RAB3C: variants seen among roughly 807,000 people sequenced by gnomAD.
RAB3C encodes the protein ras-related protein Rab-3C.
RAB3C carries 17 observed loss-of-function variants against 26.4 expected under a neutral mutation model. The ratio of observed to expected loss-of-function variants is 0.64; its 90% CI spans 0.44 to 0.97. The LOEUF (loss-of-function observed/expected upper bound fraction) is 0.97. Among genes scored for constraint, RAB3C ranks in the 50% least tolerant of loss-of-function variants. The probability of loss-of-function intolerance (pLI) is 0.00; values close to 1 mark genes in which losing one functional copy is unlikely to be tolerated. For missense variants in RAB3C, 242 were observed against 281.9 expected (o/e 0.86, Z 1.01); for synonymous variants, 91 against 95.9 (o/e 0.95, Z 0.30).
intron 1 of RAB3C, among the ~76,000 whole-genome samples, chr5:58,612,257 A>C (rs1746719532): frequency 6.6e-6 from 1 of 151,780 alleles, no homozygotes; most frequent in East Asian, 1.9e-4. Context: ...ATTTTTTTCT[A>C]GTTCTGTGAA....
At chr5:58,792,590 G>T (rs1742552559) in intron 3 of RAB3C, among the ~76,000 whole-genome samples, 1 of 152,104 alleles carries the variant, frequency 6.6e-6, no homozygotes, top group South Asian at 2.1e-4. Flanking sequence ...ATTGATTTTG[G>T]TGAGGGAGGG....
intron 1 of RAB3C, among the ~76,000 whole-genome samples, chr5:58,591,491 C>T (rs1272246907): frequency 6.6e-6 from 1 of 151,618 alleles, no homozygotes; most frequent in Non-Finnish European, 1.5e-5. Context: ...AAATGTCCCA[C>T]TTTATCTCCA....
intron 3 of RAB3C, among the ~76,000 whole-genome samples, chr5:58,769,366 TA>T (rs562256813): frequency 4.9e-4 from 75 of 152,306 alleles, no homozygotes; most frequent in African/African-American, 1.8e-3. Flanking sequence ...ATTAAAGTAT[TA>T]AAGTATGTGT....
At chr5:58,725,184 G>A (rs1419933139) in intron 2 of RAB3C, among the ~76,000 whole-genome samples, 4 of 151,786 alleles carry the variant, frequency 2.6e-5, no homozygotes, top group Non-Finnish European at 5.9e-5. Context: ...CATAGATAAA[G>A]GATATTTTTG....
intron 1 of RAB3C, among the ~76,000 whole-genome samples, chr5:58,606,629 C>T (rs1466725348): frequency 6.6e-6 from 1 of 152,330 alleles, no homozygotes; most frequent in East Asian, 1.9e-4. Flanking sequence ...AACTGGGAGA[C>T]ACCTCCCAGT....
At chr5:58,716,221 AT>A (rs1209921515) in intron 2 of RAB3C, among the ~76,000 whole-genome samples, 1 of 152,036 alleles carries the variant, frequency 6.6e-6, no homozygotes, top group African/African-American at 2.4e-5. Context: ...AGCATGAACA[AT>A]TTCAGTAGAG....
At chr5:58,817,687 C>T (rs1306598458) in intron 3 of RAB3C, among the ~76,000 whole-genome samples, 1 of 152,118 alleles carries the variant, frequency 6.6e-6, no homozygotes, top group African/African-American at 2.4e-5. Context: ...ATATACAAAT[C>T]ACCTGGAGAT....
intron 2 of RAB3C, among the ~76,000 whole-genome samples, chr5:58,724,533 T>C (rs1740841030): frequency 6.6e-6 from 1 of 151,832 alleles, no homozygotes; most frequent in Admixed American, 6.6e-5. Context: ...TGCATAGTGG[T>C]GGAGCTAATA....
At chr5:58,697,761 T>G (rs1426625726) in intron 2 of RAB3C, among the ~76,000 whole-genome samples, 2 of 152,118 alleles carry the variant, frequency 1.3e-5, no homozygotes, top group African/African-American at 4.8e-5. Context: ...CTTTTTTTTG[T>G]TTTCTATTTG....
intron 4 of RAB3C, among the ~76,000 whole-genome samples, chr5:58,841,613 G>T (rs1308979421): frequency 6.6e-6 from 1 of 152,142 alleles, no homozygotes; most frequent in Non-Finnish European, 1.5e-5. Context: ...ATTCCTAGCG[G>T]CTCTCCAAAA....
intron 3 of RAB3C, among the ~76,000 whole-genome samples, chr5:58,755,452 C>T (rs1049685515): frequency 2.0e-5 from 3 of 152,168 alleles, no homozygotes; most frequent in Non-Finnish European, 4.4e-5. Flanking sequence ...CTGTAAGTCA[C>T]GCCTGATAAT....
At chr5:58,702,073 A>C (rs1219711371) in intron 2 of RAB3C, among the ~76,000 whole-genome samples, 1 of 152,162 alleles carries the variant, frequency 6.6e-6, no homozygotes, top group Admixed American at 6.5e-5. Flanking sequence ...AGGCCTCGGC[A>C]ACAGCTTCAA....
At chr5:58,813,417 G>C (rs1734745805) in intron 3 of RAB3C, among the ~76,000 whole-genome samples, 1 of 151,692 alleles carries the variant, frequency 6.6e-6, no homozygotes, top group Non-Finnish European at 1.5e-5. Context: ...TTCATGCCAG[G>C]AGTGTTTCTC....
chr5:58,836,265 A>AATTAAC (rs3989121), intron 4 of RAB3C, among the ~76,000 whole-genome samples: 6 of 150,798 alleles, frequency 4.0e-5, no homozygotes, highest in African/African-American at 1.2e-4. Context: ...AATTAAATTA[A>AATTAAC]TTTTTTTTAC....
At chr5:58,789,876 A>G (rs552271086) in intron 3 of RAB3C, among the ~76,000 whole-genome samples, 13 of 152,316 alleles carry the variant, frequency 8.5e-5, no homozygotes, top group African/African-American at 3.1e-4. Context: ...ACACCAGGGC[A>G]TTATTTCTCT....
chr5:58,775,058 G>C (rs1325982590), intron 3 of RAB3C, among the ~76,000 whole-genome samples: 1 of 152,132 alleles, frequency 6.6e-6, no homozygotes, highest in African/African-American at 2.4e-5. Flanking sequence ...GAATTGAGTA[G>C]AGTGGGGTGG....
intron 3 of RAB3C, among the ~76,000 whole-genome samples, chr5:58,787,269 A>G (rs1742413471): frequency 6.6e-6 from 1 of 152,188 alleles, no homozygotes; most frequent in South Asian, 2.1e-4. Context: ...CGGCAAAGAA[A>G]TACTCTCTAT....
intron 3 of RAB3C, among the ~76,000 whole-genome samples, chr5:58,787,569 T>C (rs1276350315): frequency 2.6e-5 from 4 of 152,178 alleles, no homozygotes; most frequent in Non-Finnish European, 4.4e-5. Flanking sequence ...TTGGCTTGAA[T>C]TGGAGAGGGT....
At chr5:58,776,228 G>T (rs1190872550) in intron 3 of RAB3C, among the ~76,000 whole-genome samples, 2 of 151,984 alleles carry the variant, frequency 1.3e-5, no homozygotes, top group Non-Finnish European at 2.9e-5. Flanking sequence ...ACTTCCTCAT[G>T]CCTCAATTTT....
Sources: allele counts gnomAD v4.1 joint callset (sites outside exome capture counted in the v4.1 genomes callset), GRCh38; gene constraint gnomAD v4.1.1; transcripts MANE v1.5; gene names NCBI Gene and HGNC (gene_info 2026-07-23, HGNC 2026-07-21).